PDE7B: variants seen among roughly 807,000 people sequenced by gnomAD.
The protein encoded by PDE7B is 3',5'-cyclic-AMP phosphodiesterase 7B.
In PDE7B, 29 loss-of-function variants were observed where a neutral mutation model predicts 56.2. The observed-to-expected ratio is 0.52, with a 90% CI of 0.38 to 0.70. The LOEUF (loss-of-function observed/expected upper bound fraction) is 0.70. Among genes scored for constraint, PDE7B ranks in the 30% least tolerant of loss-of-function variants. The pLI is 0.00. For missense variants in PDE7B, 490 were observed against 565.0 expected (o/e 0.87, Z 1.35); for synonymous variants, 197 against 196.9 (o/e 1.00, Z 0.00).
chr6:135,876,330 C>T (rs1270581728), intron 1 of PDE7B, among the ~76,000 whole-genome samples: 1 of 152,178 alleles, frequency 6.6e-6, no homozygotes, highest in Non-Finnish European at 1.5e-5. Context: ...CTGGTAGCAG[C>T]TCCCCTTTAA....
intron 1 of PDE7B, among the ~76,000 whole-genome samples, chr6:135,898,504 T>C (rs1346924395): frequency 6.6e-6 from 1 of 152,210 alleles, no homozygotes; most frequent in Non-Finnish European, 1.5e-5. Flanking sequence ...TATGTCATTA[T>C]AGAATATTTA....
chr6:135,945,505 T>TA (rs904162012), intron 1 of PDE7B, among the ~76,000 whole-genome samples: 64 of 151,524 alleles, frequency 4.2e-4, no homozygotes, highest in African/African-American at 1.4e-3. Context: ...TAGGCCATCT[T>TA]AAAAAAAAAT....
chr6:136,114,932 T>C (rs950069632), intron 3 of PDE7B: 2 of 152,214 alleles, frequency 1.3e-5, no homozygotes, highest in Non-Finnish European at 1.5e-5. Context: ...CTCCCAGCAC[T>C]TCAGCTGCGG....
intron 3 of PDE7B, among the ~76,000 whole-genome samples, chr6:136,111,447 G>A (rs1421886033): frequency 1.3e-5 from 2 of 152,298 alleles, no homozygotes; most frequent in East Asian, 1.9e-4. Context: ...TTGGTATAAT[G>A]CACCAAAGAC....
intron 1 of PDE7B, among the ~76,000 whole-genome samples, chr6:135,860,048 AG>A: frequency 6.6e-6 from 1 of 152,196 alleles, no homozygotes; most frequent in African/African-American, 2.4e-5. Flanking sequence ...TTTAGATTTC[AG>A]GTGTCTAAAA....
At chr6:135,893,900 G>C (rs897703397) in intron 1 of PDE7B, among the ~76,000 whole-genome samples, 1 of 152,132 alleles carries the variant, frequency 6.6e-6, no homozygotes, top group Admixed American at 6.6e-5. Context: ...TTTAAAAATA[G>C]ATATTATAAG....
intron 2 of PDE7B, among the ~76,000 whole-genome samples, chr6:136,056,188 C>T (rs1776727462): frequency 6.6e-6 from 1 of 152,140 alleles, no homozygotes; most frequent in Non-Finnish European, 1.5e-5. Context: ...GACAGCTCAC[C>T]AAGGTCAAGG....
chr6:136,048,452 A>G (rs1029617679), intron 2 of PDE7B, among the ~76,000 whole-genome samples: 1 of 152,122 alleles, frequency 6.6e-6, no homozygotes, highest in Non-Finnish European at 1.5e-5. Flanking sequence ...CCCAGGAGGT[A>G]GAGGTTGCAG....
chr6:135,977,912 G>C (rs750520605), intron 2 of PDE7B, among the ~76,000 whole-genome samples: 7 of 152,044 alleles, frequency 4.6e-5, no homozygotes, highest in Non-Finnish European at 8.8e-5. Flanking sequence ...AACAGATTGA[G>C]AACAATACTA....
intron 2 of PDE7B, among the ~76,000 whole-genome samples, chr6:135,986,543 C>T (rs958382041): frequency 2.0e-5 from 3 of 152,168 alleles, no homozygotes; most frequent in South Asian, 2.1e-4. Context: ...GTGTGGACAT[C>T]CTAGCTCGAT....
intron 1 of PDE7B, among the ~76,000 whole-genome samples, chr6:135,901,636 T>C (rs202236995): frequency 3.3e-5 from 5 of 152,138 alleles, no homozygotes; most frequent in African/African-American, 4.8e-5. Flanking sequence ...AAGCTCCAAA[T>C]TGACCCGGCA....
At chr6:135,930,260 G>C (rs766737267) in intron 1 of PDE7B, among the ~76,000 whole-genome samples, 3 of 152,082 alleles carry the variant, frequency 2.0e-5, no homozygotes, top group Admixed American at 6.5e-5. Context: ...ACTATCATGA[G>C]AACAGCACAG....
intron 3 of PDE7B, among the ~76,000 whole-genome samples, chr6:136,120,768 C>G (rs1777916138): frequency 6.6e-6 from 1 of 152,178 alleles, no homozygotes; most frequent in Admixed American, 6.5e-5. Flanking sequence ...TGTGCTCCAC[C>G]TGGCCACCAG....
At chr6:135,982,136 C>T (rs1182959248) in intron 2 of PDE7B, among the ~76,000 whole-genome samples, 3 of 152,168 alleles carry the variant, frequency 2.0e-5, no homozygotes, top group African/African-American at 4.8e-5. Flanking sequence ...CCATGTCATA[C>T]TCTTGCCACC....
At chr6:135,953,667 C>A (rs190910956) in intron 2 of PDE7B, among the ~76,000 whole-genome samples, 8 of 152,148 alleles carry the variant, frequency 5.3e-5, no homozygotes, top group Admixed American at 1.3e-4. Flanking sequence ...AGCAAACTGA[C>A]AGTATTGTAG....
chr6:135,950,926 C>T (rs960899489), intron 2 of PDE7B, among the ~76,000 whole-genome samples: 5 of 152,098 alleles, frequency 3.3e-5, no homozygotes, highest in African/African-American at 9.7e-5. Flanking sequence ...TCTGGTGCGC[C>T]GGATTCAATG....
At chr6:135,887,281 A>G (rs1320536447) in intron 1 of PDE7B, among the ~76,000 whole-genome samples, 1 of 152,118 alleles carries the variant, frequency 6.6e-6, no homozygotes, top group Non-Finnish European at 1.5e-5. Context: ...TTGAATCCAT[A>G]GTTAATATTT....
At chr6:135,915,230 A>G (rs556104860) in intron 1 of PDE7B, among the ~76,000 whole-genome samples, 40 of 152,340 alleles carry the variant, frequency 2.6e-4, no homozygotes, top group Non-Finnish European at 5.1e-4. Flanking sequence ...TGTCTGTCAC[A>G]TATAAAGTGG....
chr6:136,176,334 A>C (rs1562514113), intron 9 of PDE7B, among the ~76,000 whole-genome samples: 1 of 152,108 alleles, frequency 6.6e-6, no homozygotes, highest in Non-Finnish European at 1.5e-5. Flanking sequence ...GAGAAGTATA[A>C]ATAAAATATC....
Sources: allele counts gnomAD v4.1 joint callset (sites outside exome capture counted in the v4.1 genomes callset), GRCh38; gene constraint gnomAD v4.1.1; transcripts MANE v1.5; gene names NCBI Gene and HGNC (gene_info 2026-07-23, HGNC 2026-07-21).